Variants in HDAC3 observed in about 807,000 individuals in gnomAD.
HDAC3 encodes the protein histone deacetylase 3.
HDAC3 carries 21 observed loss-of-function variants against 62.3 expected under a neutral mutation model. The observed-to-expected ratio is 0.34, with a 90% CI of 0.24 to 0.49. HDAC3 has a LOEUF of 0.49. HDAC3 is among the 20% of genes least tolerant of loss of function. The pLI is 0.99. For missense variants in HDAC3, 270 were observed against 556.9 expected (o/e 0.48, Z 5.19); for synonymous variants, 198 against 206.5 (o/e 0.96, Z 0.35).
chr5:141,636,552 A>G lies in HDAC3; in HGVS notation c.134T>C (p.Met45Thr), dbSNP rs2099906048. 1.2e-6 allele frequency: 2 copies of G among 1,613,160 alleles called. No individual in the cohort carries two copies. Among genetic ancestry groups the G allele is most frequent in the Non-Finnish European group, 1.7e-6 (2 of 1,179,584 alleles). ...GGCCGAGGCGGCGGAACTCACGATC[A>G]TCTTCTTATAGAGACCGTAATGCAG... is the stretch of plus-strand genomic sequence containing the variant. ...LVLHYGLYKKMIVFKPYQASQ... is the reference protein window; with the variant it reads ...LVLHYGLYKKTIVFKPYQASQ... The change falls in exon 2 of 15, where the codon ATG becomes ACG. Residue 45 changes from methionine to threonine, a missense_variant. Physicochemically the swap from Met to Thr is moderately conservative, Grantham distance 81. Around this residue, in one of 5 missense-constraint regions of HDAC3, gnomAD observed 16 missense variants for 50.1 expected, o/e 0.32. Transcript: ENST00000305264.
chr5:141,636,606 T>C lies in HDAC3; in HGVS notation c.80A>G (p.His27Arg). 2 of 1,613,996 alleles carry C rather than the reference T, an allele frequency of 1.2e-6. No homozygotes were observed. Among genetic ancestry groups the C allele is most frequent in the Non-Finnish European group, 1.7e-6 (2 of 1,179,964 alleles). ...HYGAGHPMKP[H>R]RLALTHSLVL... is the part of the protein sequence containing the mutation. ...CAGGCTATGGGTCAATGCCAGGCGATGGGGCTTCATAGGGTGTCCAGCTCC... is the reference window on the plus strand; with the variant it reads ...CAGGCTATGGGTCAATGCCAGGCGACGGGGCTTCATAGGGTGTCCAGCTCC... The change falls in exon 2 of 15, where the codon CAT becomes CGT. Residue 27 changes from histidine (H) to arginine (R), a missense_variant. This residue lies in a region of HDAC3 where 16 missense variants were observed against 50.1 expected (regional missense o/e 0.32). Coordinates refer to ENST00000305264, the MANE Select transcript of HDAC3 (RefSeq NM_003883.4).
intron 14 of HDAC3, among the ~76,000 whole-genome samples, chr5:141,624,686 TG>T (rs2099904215): frequency 6.6e-6 from 1 of 152,120 alleles, no homozygotes; most frequent in Non-Finnish European, 1.5e-5. Context: ...ACATTATTAT[TG>T]TAATACCAAA....
chr5:141,624,908 T>A (rs1377983051), intron 14 of HDAC3: 1 of 301,210 alleles, frequency 3.3e-6, no homozygotes, highest in Non-Finnish European at 6.1e-6. Context: ...ATAGTATATT[T>A]GCAATCTATA....
At chr5:141,627,553 CT>C (rs955842573) in intron 10 of HDAC3, among the ~76,000 whole-genome samples, 3 of 152,254 alleles carry the variant, frequency 2.0e-5, no homozygotes, top group South Asian at 2.1e-4. Flanking sequence ...TCTCAGCTTT[CT>C]TTTTTTCTTT....
chr5:141,636,318 A>C, intron 2 of HDAC3: 1 of 577,328 alleles, frequency 1.7e-6, no homozygotes. Flanking sequence ...GCCAAGGGCT[A>C]GTGTGCCTAC....
At chr5:141,630,636 C>T (rs569706748) in intron 3 of HDAC3, among the ~76,000 whole-genome samples, 1 of 152,282 alleles carries the variant, frequency 6.6e-6, no homozygotes, top group South Asian at 2.1e-4. Flanking sequence ...ATAATTATTA[C>T]CATTGTTATT....
rs2099904839 is a variant in HDAC3 at position 141,628,975 on chromosome 5, A to G, written c.610+198T>C. 6.6e-6 allele frequency among the ~76,000 whole-genome samples: 1 copy of G among 152,182 alleles called. No homozygotes were observed. Among genetic ancestry groups the G allele is most frequent in the Admixed American group, 6.5e-5 (1 of 15,280 alleles). On this transcript the variant is annotated intron_variant, in intron 7 of 14. Coordinates refer to ENST00000305264, the MANE Select transcript of HDAC3 (RefSeq NM_003883.4). The surrounding 1 kb of genome is among the most constrained non-coding windows in gnomAD (Gnocchi z 4.7). ...ACAAAAAACCACAATAAACACAAATAGCAGTGAGTGTTCTGAGGGAAACAA... is the reference window on the plus strand; with the variant it reads ...ACAAAAAACCACAATAAACACAAATGGCAGTGAGTGTTCTGAGGGAAACAA...
At chr5:141,623,716 G>C (rs1043867342) in intron 14 of HDAC3, among the ~76,000 whole-genome samples, 18 of 152,024 alleles carry the variant, frequency 1.2e-4, no homozygotes, top group Admixed American at 1.2e-3. Context: ...GGAGAGATTC[G>C]GAGGCCTGAA....
chr5:141,629,760 CATAAAG>C lies in HDAC3; in HGVS notation c.421-27_421-22del, dbSNP rs940524482. The C allele has an allele frequency of 1.2e-6, 2 of 1,613,804 alleles. No homozygotes were observed. The highest frequency in any genetic ancestry group is 2.7e-5 in the African/African-American group (2 of 74,890). ...GAGGCCTATGGCAAGACAGTGGTCTCATAAAGAGAAGAGCAATTCCCCTCCCAGCTG... is the reference window on the plus strand; with the variant it reads ...GAGGCCTATGGCAAGACAGTGGTCTCAGAAGAGCAATTCCCCTCCCAGCTG... On this transcript the variant is annotated intron_variant, in intron 5 of 14. Coordinates refer to ENST00000305264, the MANE Select transcript of HDAC3 (RefSeq NM_003883.4). This position sits in a 1 kb window ranked among gnomAD's most constrained non-coding sequence, Gnocchi z 5.3.
rs907061304 is a variant in HDAC3, at chr5:141,636,455, G to A, written c.138+93C>T. On this transcript the variant is annotated intron_variant, in intron 2 of 14. Transcript: ENST00000305264. Reference sequence around the variant, plus strand: ...TCCAGCTCCCCGATACTCTAGGGGCGGGTCGCACTTCATGCACTCAGTCCA... The same window carrying A: ...TCCAGCTCCCCGATACTCTAGGGGCAGGTCGCACTTCATGCACTCAGTCCA... 1.3e-4 allele frequency: 139 copies of A among 1,081,126 alleles called. No homozygotes were observed. The African/African-American group carries it at 1.8e-3, about 14-fold the overall frequency. 67.0% of individuals were successfully genotyped at this position (1,081,126 alleles called of 1,614,324 possible). A position where few individuals can be genotyped will look rare whatever the true frequency, so the allele number is the denominator to read the frequency against.
chr5:141,626,761 CAT>C lies in HDAC3; in HGVS notation c.831-480_831-479del, dbSNP rs564539029. 1.8e-4 allele frequency among the ~76,000 whole-genome samples: 25 copies of C among 137,676 alleles called. No homozygotes were observed. In the South Asian group the frequency reaches 3.4e-3, roughly 19 times the overall value. 90.3% of individuals were successfully genotyped at this position (137,676 alleles called of 152,430 possible). On this transcript the variant is annotated intron_variant, in intron 10 of 14. Transcript: ENST00000305264. The surrounding 1 kb of genome is among the most constrained non-coding windows in gnomAD (Gnocchi z 4.6). ...CCATCTCAAAAAAGAAAAAAAAAAACATATATATGTGTGTGTGTGTGTGTATA... is the reference window on the plus strand; with the variant it reads ...CCATCTCAAAAAAGAAAAAAAAAAACATATATGTGTGTGTGTGTGTGTATA...
intron 3 of HDAC3, 79 bp from the exon 4 acceptor site, chr5:141,630,204 C>T: frequency 7.7e-7 from 1 of 1,294,522 alleles, no homozygotes; most frequent in Non-Finnish European, 1.1e-6. Context: ...ATCCTAGATT[C>T]CTCCAATCTC....
chr5:141,628,073 G>T lies in HDAC3; in HGVS notation c.765+41C>A. On this transcript the variant is annotated intron_variant, in intron 9 of 14. Coordinates refer to ENST00000305264, the MANE Select transcript of HDAC3 (RefSeq NM_003883.4). The surrounding 1 kb of genome is among the most constrained non-coding windows in gnomAD (Gnocchi z 4.7). ...CTCTTCCCTTGCTCTCTTTCCCCAA[G>T]CCCAGGCAGAACACTCCTGAGGAGG... 1.9e-6 allele frequency: 3 copies of T among 1,606,112 alleles called. No homozygotes were observed. Among genetic ancestry groups the T allele is most frequent in the Non-Finnish European group, 2.6e-6 (3 of 1,172,708 alleles).
At chr5:141,632,647 A>G (rs1220741488) in intron 3 of HDAC3, among the ~76,000 whole-genome samples, 1 of 152,236 alleles carries the variant, frequency 6.6e-6, no homozygotes, top group Non-Finnish European at 1.5e-5. Flanking sequence ...TAACAAAAAA[A>G]CAAGAAACCT....
chr5:141,636,838 G>A lies in HDAC3; in HGVS notation c.-48C>T, dbSNP rs776407191. The A allele has an allele frequency of 4.4e-5, 62 of 1,393,346 alleles. No individual in the cohort carries two copies. Among genetic ancestry groups the A allele is most frequent in the Non-Finnish European group, 1.7e-5 (18 of 1,071,258 alleles). The allele number at this position is 1,393,346 out of a possible 1,614,324, so 86.3% of individuals were successfully genotyped here. On this transcript the variant is annotated 5_prime_UTR_variant, in exon 1 of 15. Coordinates refer to ENST00000305264, the MANE Select transcript of HDAC3 (RefSeq NM_003883.4). ...GCACCTCCGCCGCCCGCCGCCCGCG[G>A]CCGCCGCCAGCCCCTCCCCGGCCGT... is the stretch of plus-strand genomic sequence containing the variant.
rs1215468236 is a variant in HDAC3, at chr5:141,636,799, C to T, written c.-9G>A. ...GCCACGGTCTTGGCCATGGTGCCGG[C>T]GGGAGCAGGCCCCGCACCTCCGCCG... On this transcript the variant is annotated 5_prime_UTR_variant, in exon 1 of 15. Coordinates refer to ENST00000305264, the MANE Select transcript of HDAC3 (RefSeq NM_003883.4). The T allele has an allele frequency of 1.3e-6, 2 of 1,599,416 alleles. No individual in the cohort carries two copies. Among genetic ancestry groups the T allele is most frequent in the Non-Finnish European group, 1.7e-6 (2 of 1,172,200 alleles).
chr5:141,633,069 T>C (rs1458956301), intron 3 of HDAC3, among the ~76,000 whole-genome samples: 1 of 152,242 alleles, frequency 6.6e-6, no homozygotes, highest in Non-Finnish European at 1.5e-5. Flanking sequence ...TCTATTATAA[T>C]ACATCTAAGG....
In HDAC3 at chr5:141,636,617, A is replaced by G; in HGVS notation, c.69T>C (p.Pro23=). 1 of 1,614,024 alleles carries G rather than the reference A, an allele frequency of 6.2e-7. No homozygotes were observed. The highest frequency in any genetic ancestry group is 8.5e-7 in the Non-Finnish European group (1 of 1,179,962). Residue 23 remains proline (P), a synonymous_variant, in exon 2 of 15, where the codon CCT becomes CCC. Coordinates refer to ENST00000305264, the MANE Select transcript of HDAC3 (RefSeq NM_003883.4). ...TCAATGCCAGGCGATGGGGCTTCATAGGGTGTCCAGCTCCTGGGGGTGGGG... is the reference window on the plus strand; with the variant it reads ...TCAATGCCAGGCGATGGGGCTTCATGGGGTGTCCAGCTCCTGGGGGTGGGG... ...VGNFHYGAGH[P]MKPHRLALTH...
At chr5:141,631,599 A>T (rs1235415381) in intron 3 of HDAC3, among the ~76,000 whole-genome samples, 1 of 152,234 alleles carries the variant, frequency 6.6e-6, no homozygotes, top group East Asian at 1.9e-4. Flanking sequence ...AGCTTAACAG[A>T]TAATGCCTAA....
Sources: gnomAD v4.1 joint callset for allele counts (sites outside exome capture counted in the v4.1 genomes callset) on GRCh38, gnomAD v4.1.1 for gene constraint, gnomAD v4.1.1 regional missense constraint, Gnocchi (gnomAD v3.1) non-coding constraint, MANE v1.5 for transcripts, NCBI Gene and HGNC (gene_info 2026-07-23, HGNC 2026-07-21) for gene names.